The following FSD1L variants were observed in gnomAD, a reference collection of about 807,000 sequenced individuals.
FSD1L encodes FSD1-like protein.
A neutral mutation model predicts 71.6 loss-of-function variants in FSD1L; 45 were observed. The observed-to-expected ratio is 0.63, with a 90% CI of 0.49 to 0.81. FSD1L has a LOEUF of 0.81. Among genes scored for constraint, FSD1L ranks in the 30% least tolerant of loss-of-function variants. FSD1L has a pLI of 0.00. For missense variants in FSD1L, 561 were observed against 618.1 expected, an observed-to-expected ratio of 0.91 and a Z score of 0.98; for synonymous variants, 197 against 207.2, an observed-to-expected ratio of 0.95 and a Z score of 0.42.
In FSD1L at chr9:105,464,231, T is replaced by G. The variant is rs1830908926; in HGVS notation, c.112-5T>G. 5 of 1,431,184 alleles carry G rather than the reference T, an allele frequency of 3.5e-6. No individual in the cohort carries two copies. In the East Asian group the frequency reaches 1.3e-4, roughly 36 times the overall value. The allele number at this position is 1,431,184 out of a possible 1,614,324, so 88.7% of individuals were successfully genotyped here. On this transcript the variant is annotated splice_polypyrimidine_tract_variant and splice_region_variant and intron_variant, in intron 2 of 13. Coordinates refer to ENST00000481272, the MANE Select transcript of FSD1L (RefSeq NM_001145313.3). Reference sequence around the variant, plus strand: ...ATAGTATTTTAATGCTTTTCTTAATTCTAGGAAGCTCTACAGAGGATCATT... The same window carrying G: ...ATAGTATTTTAATGCTTTTCTTAATGCTAGGAAGCTCTACAGAGGATCATT...
At chr9:105,521,871 C>A in intron 10 of FSD1L, 1 of 1,612,352 alleles carries the variant, frequency 6.2e-7, no homozygotes, top group Non-Finnish European at 8.5e-7. Context: ...AAATATATTT[C>A]TTCTTGAACC....
At chr9:105,472,066 T>C (rs776322199) in intron 5 of FSD1L, 61 bp downstream of exon 5, 14 of 1,384,566 alleles carry the variant, frequency 1.0e-5, no homozygotes, top group South Asian at 8.3e-5. Flanking sequence ...AAAGGCGTTT[T>C]TGTTTTTCTT....
At chr9:105,511,509 A>C (rs1350049841) in intron 9 of FSD1L, among the ~76,000 whole-genome samples, 3 of 151,996 alleles carry the variant, frequency 2.0e-5, no homozygotes, top group South Asian at 4.1e-4. Flanking sequence ...AAGGAATTCT[A>C]TTTCTGTTTT....
chr9:105,526,079 A>C, intron 10 of FSD1L: 1 of 1,520,266 alleles, frequency 6.6e-7, no homozygotes, highest in Non-Finnish European at 9.1e-7. Context: ...TTCAGTATTC[A>C]GATAATGAGA....
At chr9:105,518,490 A>G (rs1834884812) in intron 10 of FSD1L, among the ~76,000 whole-genome samples, 1 of 152,236 alleles carries the variant, frequency 6.6e-6, no homozygotes, top group South Asian at 2.1e-4. Flanking sequence ...TCAAATTAGA[A>G]CTGAAGATTA....
intron 4 of FSD1L, among the ~76,000 whole-genome samples, chr9:105,469,900 G>A (rs576670086): frequency 6.6e-6 from 1 of 152,160 alleles, no homozygotes; most frequent in South Asian, 2.1e-4. Flanking sequence ...TAGAGCTTAT[G>A]TTTAGGTCTT....
Position 105,498,417 on chromosome 9 carries a change from T to G in FSD1L, c.587-7982T>G, listed in dbSNP as rs192304219. 2.0e-5 allele frequency among the ~76,000 whole-genome samples: 3 copies of G among 152,210 alleles called. No homozygotes were observed. The East Asian group carries it at 5.8e-4, about 29-fold the overall frequency. On this transcript the variant is annotated intron_variant, in intron 7 of 13. Transcript: ENST00000481272. ...TCTCCTACACATCTAGGCTATATTA[T>G]ATAGCAGATTGTTCCTAGGCTACAA...
At chr9:105,500,460 A>G (rs1261570553) in intron 7 of FSD1L, among the ~76,000 whole-genome samples, 5 of 152,202 alleles carry the variant, frequency 3.3e-5, no homozygotes, top group East Asian at 3.8e-4. Context: ...CTTTGCCCAC[A>G]TGGAGTAGCT....
chr9:105,531,462 C>T (rs995768144), intron 10 of FSD1L, among the ~76,000 whole-genome samples: 3 of 152,202 alleles, frequency 2.0e-5, no homozygotes, highest in Non-Finnish European at 4.4e-5. Context: ...TAAGATAGTA[C>T]TAGCAATACT....
rs1012118412 is a variant in FSD1L at position 105,549,611 on chromosome 9, A to G, written c.*3128A>G. ...TATTTACTCTGTTATGCAAACAGTAATTTTTCCCTATGTTATGAAGAGAGA... is the reference window on the plus strand; with the variant it reads ...TATTTACTCTGTTATGCAAACAGTAGTTTTTCCCTATGTTATGAAGAGAGA... On this transcript the variant is annotated 3_prime_UTR_variant, in exon 14 of 14. Transcript: ENST00000481272. The G allele has an allele frequency of 7.9e-5, 12 of 151,956 alleles. No individual in the cohort carries two copies. Among genetic ancestry groups the G allele is most frequent in the African/African-American group, 2.9e-4 (12 of 41,404 alleles). The allele number at this position is 151,956 out of a possible 1,614,324, so 9.4% of individuals were successfully genotyped here.
intron 10 of FSD1L, among the ~76,000 whole-genome samples, chr9:105,516,211 C>G (rs1834709306): frequency 6.6e-6 from 1 of 152,186 alleles, no homozygotes; most frequent in African/African-American, 2.4e-5. Context: ...ATAGATAAAA[C>G]CCCTATCTCC....
chr9:105,537,774 G>C (rs1315907798), intron 12 of FSD1L, among the ~76,000 whole-genome samples: 4 of 152,130 alleles, frequency 2.6e-5, no homozygotes, highest in African/African-American at 7.2e-5. Flanking sequence ...TCTTCAAGTG[G>C]TGTAGAGCAG....
intron 1 of FSD1L, among the ~76,000 whole-genome samples, chr9:105,457,472 A>G (rs1830428526): frequency 1.3e-5 from 2 of 152,244 alleles, no homozygotes; most frequent in South Asian, 4.1e-4. Flanking sequence ...CTGGGGAGAA[A>G]GATTGTTACC....
intron 7 of FSD1L, 83 bp from the exon 8 acceptor site, chr9:105,506,316 T>A: frequency 9.6e-7 from 1 of 1,038,060 alleles, no homozygotes; most frequent in Non-Finnish European, 1.4e-6. Flanking sequence ...GCAGTTTGAA[T>A]GATATAAATG....
chr9:105,443,149 A>G (rs1473213132), upstream of FSD1L, among the ~76,000 whole-genome samples: 2 of 152,206 alleles, frequency 1.3e-5, no homozygotes, highest in Admixed American at 6.5e-5. Flanking sequence ...TCAGGGCAGA[A>G]CCATTCTTTC....
Position 105,524,296 on chromosome 9 carries a change from C to G in FSD1L, c.1026-10197C>G, listed in dbSNP as rs906780041. 1.9e-6 allele frequency: 3 copies of G among 1,612,912 alleles called. No individual in the cohort carries two copies. In the African/African-American group the frequency reaches 4.0e-5, roughly 22 times the overall value. ...CTTCACATGCTGGTTCATTATGTAC[C>G]TAGACTTCAGATTTACCAGCCTGAT... On this transcript the variant is annotated intron_variant, in intron 10 of 13. Transcript: ENST00000481272.
At chr9:105,539,557 C>T (rs1273640459) in intron 13 of FSD1L, among the ~76,000 whole-genome samples, 1 of 152,014 alleles carries the variant, frequency 6.6e-6, no homozygotes. Flanking sequence ...TATGTTAATA[C>T]ATGAAGTACA....
intron 12 of FSD1L, among the ~76,000 whole-genome samples, chr9:105,535,564 G>T (rs752028911): frequency 1.1e-4 from 16 of 152,064 alleles, no homozygotes; most frequent in Non-Finnish European, 2.1e-4. Context: ...GCTAATTTTA[G>T]TCTTCAGCAC....
At chr9:105,467,649 G>A (rs1831168702) in intron 3 of FSD1L, among the ~76,000 whole-genome samples, 1 of 152,110 alleles carries the variant, frequency 6.6e-6, no homozygotes, top group Non-Finnish European at 1.5e-5. Context: ...ATAAATAATT[G>A]CTTAGTCTTT....
Sources: gnomAD v4.1 joint callset for allele counts (sites outside exome capture counted in the v4.1 genomes callset) on GRCh38, gnomAD v4.1.1 for gene constraint, MANE v1.5 for transcripts, NCBI Gene and HGNC (gene_info 2026-07-23, HGNC 2026-07-21) for gene names.